Variants in KDM2B observed in about 807,000 individuals in gnomAD.
KDM2B encodes lysine demethylase 2B, also known as lysine-specific demethylase 2B.
In KDM2B, 26 loss-of-function variants were observed where a neutral mutation model predicts 150.0. The observed-to-expected ratio is 0.17, with a 90% CI of 0.13 to 0.24. The LOEUF is 0.24. Ranked by LOEUF, KDM2B falls within the 10% of genes least tolerant of loss-of-function variation. The pLI is 1.00. For synonymous variants in KDM2B, 734 were observed against 729.5 expected (o/e 1.01, Z -0.10); for missense variants, 1,265 against 1,816.9 (o/e 0.70, Z 5.52).
chr12:121,424,717 A>AAG (rs1222104599), downstream of KDM2B, among the ~76,000 whole-genome samples: 194 of 142,564 alleles, frequency 1.4e-3, 1 homozygote, highest in African/African-American at 5.5e-3. Context: ...TCTCAAAAAA[A>AAG]AAAAAAAAGA....
At chr12:121,444,688 AG>A in intron 14 of KDM2B, 152 bp from the exon 15 acceptor site, 2 of 668,518 alleles carry the variant, frequency 3.0e-6, no homozygotes, top group South Asian at 3.4e-5. Context: ...ACACAGCTGC[AG>A]AGGCTGGCAG....
chr12:121,484,580 G>A (rs1260068127), intron 12 of KDM2B, among the ~76,000 whole-genome samples: 2 of 152,250 alleles, frequency 1.3e-5, no homozygotes, highest in East Asian at 3.9e-4. Flanking sequence ...CACTTTGGGA[G>A]GTCAAGGTGG....
intron 12 of KDM2B, among the ~76,000 whole-genome samples, chr12:121,466,745 C>T (rs1880022421): frequency 1.3e-5 from 2 of 148,886 alleles, no homozygotes; most frequent in Admixed American, 6.7e-5. Context: ...TGCCGGCGCC[C>T]GCGGGGTCCG....
At chr12:121,440,144 A>C in intron 21 of KDM2B, 69 bp from the exon 22 acceptor site, 1 of 1,189,540 alleles carries the variant, frequency 8.4e-7, no homozygotes, top group Non-Finnish European at 1.2e-6. Flanking sequence ...CTGACATGAC[A>C]CTCTAAAAGG....
In KDM2B at chr12:121,467,355, C is replaced by T; in HGVS notation, c.1735-14011G>A. The T allele has an allele frequency of 1.0e-6, 1 of 981,492 alleles. No individual in the cohort carries two copies. The highest frequency in any genetic ancestry group is 1.8e-5 in the African/African-American group (1 of 56,812). 60.8% of individuals were successfully genotyped at this position (981,492 alleles called of 1,614,324 possible). On this transcript the variant is annotated intron_variant, in intron 12 of 22. Coordinates refer to ENST00000377071, the MANE Select transcript of KDM2B (RefSeq NM_032590.5). The surrounding 1 kb of genome is among the most constrained non-coding windows in gnomAD (Gnocchi z 5.1). ...CCGCTGCCGCGAGGAGGGAGCCGCG[C>T]CGCGCGCCTCGCACGCCCGCGCTGG...
chr12:121,412,230 C>CTTTTTT, the KDM2B span, among the ~76,000 whole-genome samples: 1 of 49,610 alleles, frequency 2.0e-5, no homozygotes, highest in Non-Finnish European at 3.7e-5. Flanking sequence ...CCCAACTAAT[C>CTTTTTT]TTTTTTTTTT....
intron 9 of KDM2B, among the ~76,000 whole-genome samples, chr12:121,514,013 T>C (rs1555304483): frequency 6.6e-6 from 1 of 152,090 alleles, no homozygotes; most frequent in Non-Finnish European, 1.5e-5. Flanking sequence ...CCCACACCCG[T>C]CTGGCACTGC....
chr12:121,486,363 G>GTTTTTTT, intron 12 of KDM2B, among the ~76,000 whole-genome samples: 1 of 112,806 alleles, frequency 8.9e-6, no homozygotes, highest in Non-Finnish European at 1.7e-5. Flanking sequence ...TTTTTTTTAG[G>GTTTTTTT]GGAAACGGGG....
At chr12:121,417,539 CGTTT>C in the KDM2B span, 1 of 1,612,786 alleles carries the variant, frequency 6.2e-7, no homozygotes, top group Non-Finnish European at 8.5e-7. The surrounding 1 kb of genome is among the most constrained non-coding windows in gnomAD (Gnocchi z 5.0). Flanking sequence ...ATTTTTGCTC[CGTTT>C]GTTCAGTCTT....
At chr12:121,437,874 C>G (rs992214416) in intron 22 of KDM2B, among the ~76,000 whole-genome samples, 1 of 149,136 alleles carries the variant, frequency 6.7e-6, no homozygotes, top group Non-Finnish European at 1.5e-5. Flanking sequence ...CTGGTTACAC[C>G]GATGAGAGGG....
Position 121,442,130 on chromosome 12 carries a change from T to TGTTA in KDM2B, c.3284+26_3284+27insTAAC, listed in dbSNP as rs1875211857. ...CCCTGGTGCCGCCTGAGCCTTAACC[T>TGTTA]AGAGCCCTACACAGGCCGCCGCTCA... On this transcript the variant is annotated intron_variant, in intron 19 of 22. Coordinates refer to ENST00000377071, the MANE Select transcript of KDM2B (RefSeq NM_032590.5). The surrounding 1 kb of genome is among the most constrained non-coding windows in gnomAD (Gnocchi z 7.7). 1.2e-6 allele frequency: 2 copies of TGTTA among 1,604,442 alleles called. No homozygotes were observed. Among genetic ancestry groups the TGTTA allele is most frequent in the South Asian group, 2.2e-5 (2 of 90,868 alleles).
At chr12:121,572,927 G>A (rs1306300289) in intron 4 of KDM2B, among the ~76,000 whole-genome samples, 2 of 150,670 alleles carry the variant, frequency 1.3e-5, no homozygotes, top group Admixed American at 6.7e-5. Flanking sequence ...CTAGGTTCAA[G>A]CTATTCTCCT....
At chr12:121,508,209 C>T (rs1477229117) in intron 11 of KDM2B, among the ~76,000 whole-genome samples, 1 of 152,034 alleles carries the variant, frequency 6.6e-6, no homozygotes, top group Non-Finnish European at 1.5e-5. Flanking sequence ...TCCTCAGCCT[C>T]CAGAGTAGCT....
At chr12:121,412,724 CTTTT>C in the KDM2B span, among the ~76,000 whole-genome samples, 3 of 121,912 alleles carry the variant, frequency 2.5e-5, no homozygotes, top group Non-Finnish European at 3.5e-5. Context: ...GATGTTCATG[CTTTT>C]TTTTTTTTTT....
intron 11 of KDM2B, among the ~76,000 whole-genome samples, chr12:121,499,019 C>G (rs1271754029): frequency 1.3e-5 from 2 of 151,890 alleles, no homozygotes; most frequent in African/African-American, 4.8e-5. Flanking sequence ...CTATGTTGCC[C>G]AGGTTGGTCT....
intron 12 of KDM2B, among the ~76,000 whole-genome samples, chr12:121,464,185 A>T (rs530327253): frequency 6.6e-6 from 1 of 152,210 alleles, no homozygotes; most frequent in Admixed American, 6.5e-5. Flanking sequence ...ATGAGTTATA[A>T]TCATATCACT....
intron 12 of KDM2B, among the ~76,000 whole-genome samples, chr12:121,464,979 A>G (rs1381743607): frequency 2.6e-5 from 4 of 152,102 alleles, no homozygotes; most frequent in African/African-American, 9.7e-5. Context: ...GTGTCCCCCA[A>G]CTACGGGGTA....
intron 8 of KDM2B, among the ~76,000 whole-genome samples, chr12:121,530,171 T>C (rs1178014871): frequency 7.3e-6 from 1 of 137,800 alleles, no homozygotes; most frequent in Non-Finnish European, 1.5e-5. Flanking sequence ...GAGCTTGCAG[T>C]GAGCCGAGAT....
At chr12:121,576,429 T>C (rs1399882074) in intron 2 of KDM2B, among the ~76,000 whole-genome samples, 5 of 152,090 alleles carry the variant, frequency 3.3e-5, no homozygotes, top group African/African-American at 1.2e-4. Context: ...GGTGCCAAAA[T>C]AACTAGGGAA....
Sources: allele counts gnomAD v4.1 joint callset (sites outside exome capture counted in the v4.1 genomes callset), GRCh38; gene constraint gnomAD v4.1.1; non-coding constraint Gnocchi (gnomAD v3.1); transcripts MANE v1.5; gene names NCBI Gene and HGNC (gene_info 2026-07-23, HGNC 2026-07-21).